The following MARK3 variants were observed in gnomAD, a reference collection of about 807,000 sequenced individuals.
MARK3 encodes MAP/microtubule affinity-regulating kinase 3.
A neutral mutation model predicts 90.1 loss-of-function variants in MARK3; 46 were observed. That is an observed-to-expected ratio of 0.51 (90% CI 0.40 to 0.65). MARK3 has a LOEUF of 0.65. MARK3 is among the 30% of genes least tolerant of loss of function. The probability of loss-of-function intolerance (pLI) is 0.00; values close to 1 mark genes in which losing one functional copy is unlikely to be tolerated. For missense variants in MARK3, 818 were observed against 947.2 expected, an observed-to-expected ratio of 0.86 and a Z score of 1.79; for synonymous variants, 321 against 332.6, an observed-to-expected ratio of 0.97 and a Z score of 0.38.
At chr14:103,389,772 T>C (rs1301043045) in intron 1 of MARK3, among the ~76,000 whole-genome samples, 7 of 150,394 alleles carry the variant, frequency 4.7e-5, no homozygotes, top group Non-Finnish European at 1.0e-4. Context: ...GGCAAAACCC[T>C]GTCTCTACTA....
chr14:103,499,206 T>G (rs2075515027), intron 16 of MARK3: 1 of 152,212 alleles, frequency 6.6e-6, no homozygotes, highest in Non-Finnish European at 1.5e-5. Flanking sequence ...GCATGGTGGC[T>G]TATGCCTGTA....
Position 103,467,112 on chromosome 14 carries a change from A to G in MARK3, c.1031A>G (p.Glu344Gly), listed in dbSNP as rs1311443561. The change falls in exon 11 of 18, where the codon GAA becomes GGA. Residue 344 changes from glutamate to glycine, a missense_variant. This residue lies in a region of MARK3 where 560 missense variants were observed against 613.5 expected (regional missense o/e 0.91). Coordinates refer to ENST00000429436, the MANE Select transcript of MARK3 (RefSeq NM_001128918.3). ...GTGGGAATGGGATATTCACAAGAAG[A>G]AATTCAAGAATCTCTTAGTAAGATG... ...IMVGMGYSQE[E>G]IQESLSKMKY... 6.3e-7 allele frequency: 1 copy of G among 1,592,766 alleles called. No individual in the cohort carries two copies. The highest frequency in any genetic ancestry group is 2.2e-5 in the East Asian group (1 of 44,702).
At chr14:103,427,356 A>C (rs1349923926) in intron 2 of MARK3, among the ~76,000 whole-genome samples, 1 of 151,602 alleles carries the variant, frequency 6.6e-6, no homozygotes, top group Non-Finnish European at 1.5e-5. Context: ...AAAATTAGCC[A>C]GTCGTGGTGG....
intron 12 of MARK3, among the ~76,000 whole-genome samples, chr14:103,469,679 C>T (rs927666530): frequency 6.6e-6 from 1 of 151,684 alleles, no homozygotes; most frequent in African/African-American, 2.4e-5. Context: ...TCTAGAACTC[C>T]TGACCTCAGG....
intron 1 of MARK3, among the ~76,000 whole-genome samples, chr14:103,390,210 T>C (rs2090144963): frequency 6.6e-6 from 1 of 152,066 alleles, no homozygotes; most frequent in Non-Finnish European, 1.5e-5. Context: ...ATGGCGCCAC[T>C]GCACTCCAGC....
chr14:103,488,566 A>G (rs1178213418), intron 14 of MARK3, among the ~76,000 whole-genome samples: 1 of 152,134 alleles, frequency 6.6e-6, no homozygotes, highest in Non-Finnish European at 1.5e-5. Flanking sequence ...AAATGCAGGG[A>G]CAGAACCAGG....
At chr14:103,454,058 G>T (rs2093218082) in intron 5 of MARK3, among the ~76,000 whole-genome samples, 1 of 152,140 alleles carries the variant, frequency 6.6e-6, no homozygotes, top group Non-Finnish European at 1.5e-5. Context: ...AAAGAGGATG[G>T]GCTCTGGAAG....
intron 3 of MARK3, among the ~76,000 whole-genome samples, chr14:103,434,254 A>G (rs1196014617): frequency 1.3e-5 from 2 of 152,206 alleles, no homozygotes; most frequent in Non-Finnish European, 1.5e-5. Flanking sequence ...GGAGTCTGCC[A>G]ATTTTAACCA....
chr14:103,455,857 C>G (rs1235310411), intron 5 of MARK3, among the ~76,000 whole-genome samples: 2 of 151,860 alleles, frequency 1.3e-5, no homozygotes, highest in African/African-American at 4.8e-5. Context: ...TTGTGTAATT[C>G]ATGATGACTT....
intron 15 of MARK3, among the ~76,000 whole-genome samples, chr14:103,495,539 C>T (rs2075294642): frequency 6.6e-6 from 1 of 151,684 alleles, no homozygotes; most frequent in African/African-American, 2.4e-5. Context: ...GCCCTTTTAG[C>T]CACTACACTG....
intron 2 of MARK3, among the ~76,000 whole-genome samples, chr14:103,419,949 A>T (rs2092135308): frequency 6.6e-6 from 1 of 151,962 alleles, no homozygotes; most frequent in Non-Finnish European, 1.5e-5. Flanking sequence ...TGCTTCTGTG[A>T]ATAGCCACTG....
intron 12 of MARK3, among the ~76,000 whole-genome samples, chr14:103,470,472 TGAGA>T (rs2093606864): frequency 4.4e-5 from 6 of 137,222 alleles, no homozygotes; most frequent in Admixed American, 1.5e-4. Flanking sequence ...TTTTTTTTTT[TGAGA>T]TGGAGTTTCA....
intron 12 of MARK3, 72 bp from the exon 13 acceptor site, chr14:103,474,921 A>G: frequency 8.1e-7 from 1 of 1,229,032 alleles, no homozygotes; most frequent in East Asian, 2.4e-5. Flanking sequence ...CATCTTACAA[A>G]ATATGGTTAC....
intron 15 of MARK3, among the ~76,000 whole-genome samples, chr14:103,494,612 A>G (rs1451815325): frequency 6.6e-6 from 1 of 152,054 alleles, no homozygotes; most frequent in Non-Finnish European, 1.5e-5. Context: ...AAAAGGAAAC[A>G]AGATTATCAT....
At chr14:103,418,940 A>G (rs1420019580) in intron 2 of MARK3, among the ~76,000 whole-genome samples, 1 of 152,176 alleles carries the variant, frequency 6.6e-6, no homozygotes, top group African/African-American at 2.4e-5. Context: ...GTTGTGTACA[A>G]TGCCATTGAT....
At chr14:103,480,264 G>A (rs1402391821) in intron 13 of MARK3, 123 bp from the exon 14 acceptor site, 1 of 647,322 alleles carries the variant, frequency 1.5e-6, no homozygotes, top group Admixed American at 2.5e-5. Flanking sequence ...GACAGAGTAA[G>A]ACCTTGCCTC....
intron 4 of MARK3, among the ~76,000 whole-genome samples, chr14:103,451,495 C>T (rs1023846268): frequency 6.6e-6 from 1 of 152,144 alleles, no homozygotes; most frequent in Non-Finnish European, 1.5e-5. Flanking sequence ...GAATTACATC[C>T]TTAAAGCCAT....
intron 7 of MARK3, among the ~76,000 whole-genome samples, chr14:103,464,764 A>G (rs574107827): frequency 7.0e-6 from 1 of 142,688 alleles, no homozygotes; most frequent in Non-Finnish European, 1.5e-5. Flanking sequence ...TGGCACAGTC[A>G]TAGCTCACTG....
At chr14:103,452,714 G>A (rs112748955) in intron 5 of MARK3, among the ~76,000 whole-genome samples, 6,638 of 151,722 alleles carry the variant, frequency 0.044, 513 homozygotes, top group African/African-American at 0.15. Context: ...CTCGTGATCC[G>A]CCCGCCTCGG....
Sources: allele counts gnomAD v4.1 joint callset (sites outside exome capture counted in the v4.1 genomes callset), GRCh38; gene constraint gnomAD v4.1.1; regional missense constraint gnomAD v4.1.1; transcripts MANE v1.5; gene names NCBI Gene and HGNC (gene_info 2026-07-23, HGNC 2026-07-21).